Variants in FRMD3 observed in about 807,000 individuals in gnomAD.
The protein encoded by FRMD3 is FERM domain containing 3, also known as FERM domain-containing protein 3.
FRMD3 carries 33 observed loss-of-function variants against 70.2 expected under a neutral mutation model. The observed-to-expected ratio is 0.47, with a 90% CI of 0.36 to 0.63. The LOEUF (loss-of-function observed/expected upper bound fraction) is 0.63. Ranked by LOEUF, FRMD3 falls within the 20% of genes least tolerant of loss-of-function variation. FRMD3 has a pLI of 0.00. For synonymous variants in FRMD3, 279 were observed against 255.9 expected (o/e 1.09, Z -0.86); for missense variants, 632 against 711.4 (o/e 0.89, Z 1.27).
Position 83,302,765 on chromosome 9 carries a change from ACT to A in FRMD3, c.927-3581_927-3580del, listed in dbSNP as rs145449004. On this transcript the variant is annotated intron_variant, in intron 10 of 13. Coordinates refer to ENST00000304195, the MANE Select transcript of FRMD3 (RefSeq NM_174938.6). ...TAACTCCAGCCAAAATGTTCTGAGCACTCTGTTTACCAGACTCTCCCATCAAC... is the reference window on the plus strand; with the variant it reads ...TAACTCCAGCCAAAATGTTCTGAGCACTGTTTACCAGACTCTCCCATCAAC... Among the ~76,000 whole-genome samples, 939 of 152,210 alleles carry A rather than the reference ACT, an allele frequency of 6.2e-3. 10 individuals carry two copies. The highest frequency in any genetic ancestry group is 0.021 in the African/African-American group (869 of 41,528).
upstream of FRMD3, among the ~76,000 whole-genome samples, chr9:83,539,072 G>C (rs955572682): frequency 1.6e-4 from 24 of 152,126 alleles, no homozygotes; most frequent in Non-Finnish European, 1.5e-5. Flanking sequence ...CAACATCTTA[G>C]TGTGATCTTT....
intron 12 of FRMD3, among the ~76,000 whole-genome samples, chr9:83,293,685 G>C (rs77159835): frequency 0.029 from 4,486 of 152,270 alleles, 192 homozygotes; most frequent in African/African-American, 0.094. Flanking sequence ...GGCATTAGAT[G>C]GCCAGGAGGA....
intron 3 of FRMD3, among the ~76,000 whole-genome samples, chr9:83,362,749 CTCCT>C (rs921729136): frequency 1.3e-5 from 2 of 149,854 alleles, no homozygotes; most frequent in East Asian, 2.0e-4. Context: ...CCTTCCTTCT[CTCCT>C]TCCTTCCTTC....
At chr9:83,413,767 T>C (rs1312499401) in intron 1 of FRMD3, among the ~76,000 whole-genome samples, 2 of 152,176 alleles carry the variant, frequency 1.3e-5, no homozygotes, top group Admixed American at 6.5e-5. Flanking sequence ...CTGCCTTCAC[T>C]AATCTCAACT....
intron 6 of FRMD3, among the ~76,000 whole-genome samples, chr9:83,317,056 T>G (rs1369688643): frequency 1.3e-5 from 2 of 152,036 alleles, no homozygotes; most frequent in African/African-American, 4.8e-5. Context: ...TTTTTTTAAA[T>G]TAGCCAGATA....
intron 1 of FRMD3, among the ~76,000 whole-genome samples, chr9:83,406,073 A>T (rs1028806930): frequency 1.3e-5 from 2 of 152,070 alleles, no homozygotes; most frequent in Admixed American, 6.5e-5. Flanking sequence ...CTGTGCCACT[A>T]ATGCAAGGCA....
At chr9:83,440,975 A>G (rs907937894) in intron 1 of FRMD3, among the ~76,000 whole-genome samples, 2 of 152,190 alleles carry the variant, frequency 1.3e-5, no homozygotes, top group African/African-American at 4.8e-5. Context: ...TGTTTCGGCC[A>G]ATGAAGCTTA....
At chr9:83,572,356 C>A in the FRMD3 span, among the ~76,000 whole-genome samples, 1 of 152,000 alleles carries the variant, frequency 6.6e-6, no homozygotes, top group African/African-American at 2.4e-5. Flanking sequence ...AAAGGACAGG[C>A]CTGAAAGGGC....
chr9:83,403,169 G>A (rs1455721181), intron 1 of FRMD3, among the ~76,000 whole-genome samples: 1 of 151,960 alleles, frequency 6.6e-6, no homozygotes, highest in African/African-American at 2.4e-5. Flanking sequence ...CTCCCAAAGT[G>A]CTGGACTTAC....
intron 1 of FRMD3, among the ~76,000 whole-genome samples, chr9:83,488,194 A>G (rs1335841623): frequency 6.6e-6 from 1 of 152,260 alleles, no homozygotes; most frequent in South Asian, 2.1e-4. Flanking sequence ...TGTAATTTAT[A>G]TACAACTAAA....
At chr9:83,253,031 A>T (rs1202931221) in intron 13 of FRMD3, among the ~76,000 whole-genome samples, 1 of 152,214 alleles carries the variant, frequency 6.6e-6, no homozygotes, top group African/African-American at 2.4e-5. Context: ...TGGACATGGT[A>T]GATATCTACA....
At chr9:83,507,691 CATATATAT>C (rs34251863) in intron 1 of FRMD3, among the ~76,000 whole-genome samples, 1,427 of 49,240 alleles carry the variant, frequency 0.029, 80 homozygotes, top group East Asian at 0.045. Context: ...AATATACATA[CATATATAT>C]ATATATATAT....
the FRMD3 span, among the ~76,000 whole-genome samples, chr9:83,557,900 G>A: frequency 6.6e-6 from 1 of 152,182 alleles, no homozygotes; most frequent in East Asian, 1.9e-4. Context: ...TATTCATAGA[G>A]AAGCTCTCAT....
At chr9:83,578,909 T>C in the FRMD3 span, among the ~76,000 whole-genome samples, 1 of 151,976 alleles carries the variant, frequency 6.6e-6, no homozygotes, top group Non-Finnish European at 1.5e-5. Context: ...TGATCATATA[T>C]ATAGAAAATC....
intron 6 of FRMD3, among the ~76,000 whole-genome samples, chr9:83,330,688 C>T (rs1050295139): frequency 6.6e-6 from 1 of 152,220 alleles, no homozygotes; most frequent in African/African-American, 2.4e-5. Flanking sequence ...ATGGCCCACT[C>T]ATTTAAGAAT....
chr9:83,414,679 C>T (rs893471926), intron 1 of FRMD3, among the ~76,000 whole-genome samples: 2 of 152,148 alleles, frequency 1.3e-5, no homozygotes, highest in African/African-American at 2.4e-5. Flanking sequence ...GAGCAAAAGA[C>T]TTGAACAGGT....
In FRMD3 at chr9:83,296,768, G is replaced by A. The variant is rs550105514; in HGVS notation, c.1070+1980C>T. Reference sequence around the variant, plus strand: ...GCCTCAGCATGTATCCACTTTCCTCGCACTCTGGGGTTCAGTCTACTCCAA... The same window carrying A: ...GCCTCAGCATGTATCCACTTTCCTCACACTCTGGGGTTCAGTCTACTCCAA... On this transcript the variant is annotated intron_variant, in intron 12 of 13. Coordinates refer to ENST00000304195, the MANE Select transcript of FRMD3 (RefSeq NM_174938.6). Among the ~76,000 whole-genome samples, 8 of 152,182 alleles carry A rather than the reference G, an allele frequency of 5.3e-5. No homozygotes were observed. In the East Asian group the frequency reaches 5.8e-4, roughly 11 times the overall value.
intron 1 of FRMD3, among the ~76,000 whole-genome samples, chr9:83,467,446 C>T (rs1828158276): frequency 6.6e-6 from 1 of 152,154 alleles, no homozygotes. Context: ...CTAAAAGGCT[C>T]CTCTAAGATA....
Position 83,272,752 on chromosome 9 carries a change from C to G in FRMD3, c.1195+17851G>C, listed in dbSNP as rs1262098364. Reference sequence around the variant, plus strand: ...GAAGTGAGGAGCGTCTCTGCCCGGCCGCCCATCATCTGAGATGTGGGGAGT... The same window carrying G: ...GAAGTGAGGAGCGTCTCTGCCCGGCGGCCCATCATCTGAGATGTGGGGAGT... On this transcript the variant is annotated intron_variant, in intron 13 of 13. Transcript: ENST00000304195. 2.0e-5 allele frequency among the ~76,000 whole-genome samples: 3 copies of G among 150,416 alleles called. No individual in the cohort carries two copies. In the East Asian group the frequency reaches 6.0e-4, roughly 30 times the overall value.
Sources: gnomAD v4.1 joint callset for allele counts (sites outside exome capture counted in the v4.1 genomes callset) on GRCh38, gnomAD v4.1.1 for gene constraint, MANE v1.5 for transcripts, NCBI Gene and HGNC (gene_info 2026-07-23, HGNC 2026-07-21) for gene names.